The following FHIP1A variants were observed in gnomAD, a reference collection of about 807,000 sequenced individuals.
FHIP1A encodes the protein FHF complex subunit HOOK interacting protein 1A.
A neutral mutation model predicts 88.6 loss-of-function variants in FHIP1A; 61 were observed. That is an observed-to-expected ratio of 0.69 (90% CI 0.56 to 0.85). The LOEUF is 0.85. FHIP1A is among the 40% of genes least tolerant of loss of function. The pLI is 0.00. For missense variants in FHIP1A, 1,154 were observed against 1,273.5 expected (o/e 0.91, Z 1.43); for synonymous variants, 478 against 496.0 (o/e 0.96, Z 0.48).
intron 4 of FHIP1A, 49 bp from the exon 5 acceptor site, chr4:151,577,401 T>A (rs1482621285): frequency 6.8e-7 from 1 of 1,466,004 alleles, no homozygotes; most frequent in Non-Finnish European, 9.0e-7. Context: ...TATGTTTTTG[T>A]AATTATGATA....
At chr4:151,534,821 C>T (rs1181390723) in intron 3 of FHIP1A, 1 of 152,196 alleles carries the variant, frequency 6.6e-6, no homozygotes, top group Non-Finnish European at 1.5e-5. Flanking sequence ...AGTCCGTTTA[C>T]ATCAAAAGCC....
At chr4:151,640,803 G>GGTGA (rs1284601877) in intron 9 of FHIP1A, among the ~76,000 whole-genome samples, 1 of 152,140 alleles carries the variant, frequency 6.6e-6, no homozygotes, top group African/African-American at 2.4e-5. Context: ...GCCTTTAGAA[G>GGTGA]GTGAGTGCTG....
At chr4:151,489,090 A>G (rs376057386) in intron 3 of FHIP1A, among the ~76,000 whole-genome samples, 2 of 152,314 alleles carry the variant, frequency 1.3e-5, no homozygotes, top group African/African-American at 4.8e-5. Flanking sequence ...TACCGCTGCA[A>G]ACTCTACGTG....
chr4:151,643,562 TG>T (rs1011445686), intron 9 of FHIP1A, among the ~76,000 whole-genome samples: 30 of 152,338 alleles, frequency 2.0e-4, no homozygotes, highest in African/African-American at 7.0e-4. Context: ...TCTATCTAGC[TG>T]TATTTTTGTA....
At chr4:151,519,382 T>A (rs990182900) in intron 3 of FHIP1A, among the ~76,000 whole-genome samples, 1 of 152,194 alleles carries the variant, frequency 6.6e-6, no homozygotes, top group Non-Finnish European at 1.5e-5. Context: ...CATCATAATG[T>A]TTTTGAGATT....
chr4:151,409,475 G>C lies in FHIP1A; in HGVS notation c.-356+10G>C, dbSNP rs1441573895. ...CCACGGCCGGGGACAGGTAGGTGCT[G>C]TGCTGGCCGGAGATTTGCGCTTGAG... On this transcript the variant is annotated intron_variant, in intron 1 of 13. Coordinates refer to ENST00000435205, the MANE Select transcript of FHIP1A (RefSeq NM_001109977.3). 6.5e-6 allele frequency: 1 copy of C among 152,912 alleles called. No individual in the cohort carries two copies. Among genetic ancestry groups the C allele is most frequent in the Admixed American group, 6.5e-5 (1 of 15,282 alleles). 9.5% of individuals were successfully genotyped at this position (152,912 alleles called of 1,614,324 possible). A position where few individuals can be genotyped will look rare whatever the true frequency, so the allele number is the denominator to read the frequency against.
intron 7 of FHIP1A, among the ~76,000 whole-genome samples, chr4:151,606,377 GTCATTCCTT>G (rs1262153905): frequency 2.6e-5 from 4 of 152,196 alleles, no homozygotes; most frequent in African/African-American, 9.7e-5. Context: ...CACTGATCAT[GTCATTCCTT>G]TCAGTGGAAA....
intron 11 of FHIP1A, among the ~76,000 whole-genome samples, chr4:151,653,356 GTCTC>G (rs368574549): frequency 6.0e-5 from 9 of 148,798 alleles, no homozygotes; most frequent in African/African-American, 1.2e-4. Flanking sequence ...CTGTGTGTGT[GTCTC>G]TCTCTCTCTC....
At chr4:151,447,225 G>A (rs2126572898) in intron 1 of FHIP1A, among the ~76,000 whole-genome samples, 1 of 152,154 alleles carries the variant, frequency 6.6e-6, no homozygotes, top group Non-Finnish European at 1.5e-5. Flanking sequence ...AATGAACTCT[G>A]AAATAGTTTG....
chr4:151,453,467 G>T (rs573236718), intron 1 of FHIP1A, among the ~76,000 whole-genome samples: 1 of 152,124 alleles, frequency 6.6e-6, no homozygotes, highest in Non-Finnish European at 1.5e-5. Flanking sequence ...GGATAATAAT[G>T]GAGATAATGA....
chr4:151,426,885 G>A (rs1345917964), intron 1 of FHIP1A, among the ~76,000 whole-genome samples: 1 of 152,090 alleles, frequency 6.6e-6, no homozygotes, highest in Non-Finnish European at 1.5e-5. Context: ...GAGAGTTTTT[G>A]TGATTTCCCC....
chr4:151,642,429 A>G (rs1334150904), intron 9 of FHIP1A, among the ~76,000 whole-genome samples: 2 of 151,980 alleles, frequency 1.3e-5, no homozygotes, highest in South Asian at 2.1e-4. Flanking sequence ...CATCTTGCAT[A>G]GGAGCTAGGG....
chr4:151,604,411 C>T (rs904953083), intron 7 of FHIP1A, among the ~76,000 whole-genome samples: 1 of 152,108 alleles, frequency 6.6e-6, no homozygotes. Flanking sequence ...AATTAATTCA[C>T]AGGGGTACTA....
At chr4:151,520,163 G>A (rs1005928749) in intron 3 of FHIP1A, among the ~76,000 whole-genome samples, 1 of 152,112 alleles carries the variant, frequency 6.6e-6, no homozygotes, top group Non-Finnish European at 1.5e-5. Flanking sequence ...ATATTCTCCT[G>A]TGTTTTCCTC....
chr4:151,578,357 A>G (rs1180310941), intron 5 of FHIP1A, among the ~76,000 whole-genome samples: 7 of 152,222 alleles, frequency 4.6e-5, no homozygotes, highest in Non-Finnish European at 8.8e-5. Context: ...TAGTTGTTCC[A>G]GGAGCATATC....
At chr4:151,483,738 T>C (rs1474904232) in intron 3 of FHIP1A, among the ~76,000 whole-genome samples, 1 of 152,150 alleles carries the variant, frequency 6.6e-6, no homozygotes, top group Non-Finnish European at 1.5e-5. Context: ...TTGTATCCTT[T>C]AAGAAATCTC....
rs1009181427 is a variant in FHIP1A, at chr4:151,581,333, G to A, written c.732+3257G>A. On this transcript the variant is annotated intron_variant, in intron 5 of 13. Transcript: ENST00000435205. ...GATGGTAATGAGATTGGAGTAGGGT[G>A]CAGTTCTATTTGTAATTTTTATTGT... 2.6e-5 allele frequency among the ~76,000 whole-genome samples: 4 copies of A among 152,132 alleles called. 1 individual carries two copies. Among genetic ancestry groups the A allele is most frequent in the Non-Finnish European group, 4.4e-5 (3 of 68,014 alleles).
intron 7 of FHIP1A, among the ~76,000 whole-genome samples, chr4:151,593,888 G>T (rs1454085300): frequency 1.3e-5 from 2 of 152,128 alleles, no homozygotes; most frequent in Non-Finnish European, 2.9e-5. Flanking sequence ...TATGATATTG[G>T]CTGTGGGTTT....
At chr4:151,635,753 GT>G (rs1309480162) in intron 8 of FHIP1A, among the ~76,000 whole-genome samples, 2 of 151,842 alleles carry the variant, frequency 1.3e-5, no homozygotes. Flanking sequence ...GAGTTGTTCG[GT>G]GGTTACTGAG....
Sources: gnomAD v4.1 joint callset for allele counts (sites outside exome capture counted in the v4.1 genomes callset) on GRCh38, gnomAD v4.1.1 for gene constraint, MANE v1.5 for transcripts, NCBI Gene and HGNC (gene_info 2026-07-23, HGNC 2026-07-21) for gene names.